BET1: variants seen among roughly 807,000 people sequenced by gnomAD.
BET1 encodes the protein Bet1 golgi vesicular membrane trafficking protein.
In BET1, 9 loss-of-function variants were observed where a neutral mutation model predicts 13.9. That is an observed-to-expected ratio of 0.65 (90% CI 0.39 to 1.13). The LOEUF (loss-of-function observed/expected upper bound fraction) is 1.13. Ranked by LOEUF, BET1 falls within the 50% of genes most tolerant of loss-of-function variation. The pLI is 0.01. For synonymous variants in BET1, 39 were observed against 47.3 expected (o/e 0.82, Z 0.72); for missense variants, 127 against 133.6 (o/e 0.95, Z 0.24).
intron 4 of BET1, among the ~76,000 whole-genome samples, chr7:93,983,049 C>G (rs1264160496): frequency 6.6e-6 from 1 of 152,030 alleles, no homozygotes; most frequent in African/African-American, 2.4e-5. Context: ...ATCCTGATGC[C>G]AAAAAATCAG....
chr7:93,990,393 C>A (rs555821718), downstream of BET1, among the ~76,000 whole-genome samples: 3 of 151,960 alleles, frequency 2.0e-5, no homozygotes, highest in Admixed American at 6.6e-5. Flanking sequence ...TATAAATATT[C>A]TTTTAAAATG....
At chr7:93,968,489 G>A (rs1795209814) in intron 6 of BET1, 1 of 151,738 alleles carries the variant, frequency 6.6e-6, no homozygotes, top group South Asian at 2.1e-4. Context: ...TTCTTCTGTG[G>A]GAAAAACATG....
At chr7:93,966,840 C>G (rs1190211114) in intron 6 of BET1, among the ~76,000 whole-genome samples, 1 of 151,742 alleles carries the variant, frequency 6.6e-6, no homozygotes, top group African/African-American at 2.4e-5. Flanking sequence ...ACTTCTCTAC[C>G]TCTGGGCTTT....
chr7:93,985,482 G>A (rs1795509120), intron 4 of BET1, among the ~76,000 whole-genome samples: 1 of 152,150 alleles, frequency 6.6e-6, no homozygotes, highest in Admixed American at 6.6e-5. Context: ...ATTAATCTGT[G>A]TGATGCTGGT....
At chr7:93,977,350 C>A (rs1282448479) in intron 4 of BET1, among the ~76,000 whole-genome samples, 3 of 152,158 alleles carry the variant, frequency 2.0e-5, no homozygotes, top group South Asian at 2.1e-4. Context: ...AGTTTTTTGC[C>A]TGCCAGTCTA....
intron 1 of BET1, among the ~76,000 whole-genome samples, chr7:94,002,968 G>C (rs1052919885): frequency 1.1e-4 from 16 of 152,072 alleles, no homozygotes; most frequent in Non-Finnish European, 2.4e-4. Flanking sequence ...TCTGGTATTT[G>C]GATGTATAGC....
At chr7:93,971,413 C>G (rs1263161303) in intron 6 of BET1, among the ~76,000 whole-genome samples, 2 of 151,706 alleles carry the variant, frequency 1.3e-5, no homozygotes, top group African/African-American at 4.8e-5. Context: ...CTGTTCCTGC[C>G]TTAAAATTTG....
chr7:93,984,365 C>CT (rs1395044476), intron 4 of BET1, among the ~76,000 whole-genome samples: 2 of 152,094 alleles, frequency 1.3e-5, no homozygotes, highest in Non-Finnish European at 2.9e-5. Context: ...TCTGGGTGTA[C>CT]ATGAATCTTT....
downstream of BET1, chr7:93,992,136 A>C: frequency 1.0e-6 from 1 of 985,290 alleles, no homozygotes; most frequent in Non-Finnish European, 1.2e-6. Flanking sequence ...CAGCAGACAC[A>C]GTGATGTGAA....
At chr7:93,973,069 A>G (rs1033905607) in intron 5 of BET1, among the ~76,000 whole-genome samples, 5 of 152,072 alleles carry the variant, frequency 3.3e-5, no homozygotes, top group Non-Finnish European at 7.4e-5. Flanking sequence ...GAGAACAGGA[A>G]AATCTGAGAC....
intron 3 of BET1, 65 bp downstream of exon 3, chr7:93,996,200 G>A: frequency 3.3e-6 from 4 of 1,209,476 alleles, no homozygotes; most frequent in Non-Finnish European, 4.8e-6. Context: ...ATGAATAAAA[G>A]TTGAAATTCT....
chr7:93,975,687 C>G (rs1406728846), intron 5 of BET1, among the ~76,000 whole-genome samples: 1 of 151,238 alleles, frequency 6.6e-6, no homozygotes, highest in Non-Finnish European at 1.5e-5. Flanking sequence ...ATTAAGTCAT[C>G]CTTTATGTTT....
At chr7:93,973,454 A>G (rs60234329) in intron 5 of BET1, among the ~76,000 whole-genome samples, 484 of 152,068 alleles carry the variant, frequency 3.2e-3, no homozygotes, top group African/African-American at 0.011. Flanking sequence ...TACAAAGTGT[A>G]TATTATTCCC....
chr7:93,993,402 A>G lies in BET1; in HGVS notation c.*828T>C. On this transcript the variant is annotated 3_prime_UTR_variant, in exon 4 of 4. Coordinates refer to ENST00000222547, the MANE Select transcript of BET1 (RefSeq NM_005868.6). ...TAAACAAATACACTGGATTAAAGCA[A>G]TAATACTCTTATCTTCAAGTTCAAT... The G allele has an allele frequency of 1.0e-6, 1 of 982,436 alleles. No homozygotes were observed. Among genetic ancestry groups the G allele is most frequent in the Middle Eastern group, 5.3e-4 (1 of 1,902 alleles). The allele number at this position is 982,436 out of a possible 1,614,324, so 60.9% of individuals were successfully genotyped here.
At chr7:94,001,770 T>C (rs1174398410) in intron 1 of BET1, among the ~76,000 whole-genome samples, 2 of 152,256 alleles carry the variant, frequency 1.3e-5, no homozygotes, top group Admixed American at 6.5e-5. Context: ...GCTGAGGTTC[T>C]GAGTATATAA....
chr7:93,991,743 C>T (rs928779066), downstream of BET1: 3 of 921,974 alleles, frequency 3.3e-6, no homozygotes, highest in Admixed American at 1.2e-4. Flanking sequence ...AACTTCATAG[C>T]CTTTGGTCTT....
intron 1 of BET1, among the ~76,000 whole-genome samples, chr7:94,003,914 C>T (rs1015265548): frequency 2.6e-5 from 4 of 152,020 alleles, no homozygotes; most frequent in Non-Finnish European, 4.4e-5. Context: ...CAGTCAATAA[C>T]ACTAAAACAC....
intron 4 of BET1, among the ~76,000 whole-genome samples, chr7:93,985,276 A>ACT (rs1369122968): frequency 3.3e-5 from 5 of 152,178 alleles, no homozygotes; most frequent in African/African-American, 1.2e-4. Flanking sequence ...TGTGATTAAG[A>ACT]ATGCAGGCTT....
intron 4 of BET1, among the ~76,000 whole-genome samples, chr7:93,983,282 C>T (rs79736586): frequency 0.019 from 2,860 of 152,206 alleles, 39 homozygotes; most frequent in Middle Eastern, 0.041. Flanking sequence ...TCATGGAGTA[C>T]GTCTCTATTA....
Sources: gnomAD v4.1 joint callset for allele counts (sites outside exome capture counted in the v4.1 genomes callset) on GRCh38, gnomAD v4.1.1 for gene constraint, MANE v1.5 for transcripts, NCBI Gene and HGNC (gene_info 2026-07-23, HGNC 2026-07-21) for gene names.